ARHGAP28: variants seen among roughly 807,000 people sequenced by gnomAD.
ARHGAP28 encodes the protein rho GTPase-activating protein 28.
Under a neutral mutation model 90.7 loss-of-function variants are expected in ARHGAP28, and 56 were observed. The ratio of observed to expected loss-of-function variants is 0.62; its 90% CI spans 0.50 to 0.77. The LOEUF is 0.77. Among genes scored for constraint, ARHGAP28 ranks in the 30% least tolerant of loss-of-function variants. The pLI, the probability that ARHGAP28 is intolerant of heterozygous loss-of-function variation, is 0.00. For synonymous variants in ARHGAP28, 308 were observed against 323.3 expected (o/e 0.95, Z 0.51); for missense variants, 869 against 900.9 (o/e 0.96, Z 0.45).
chr18:6,910,679 G>A (rs1441138358), intron 17 of ARHGAP28, among the ~76,000 whole-genome samples: 1 of 151,948 alleles, frequency 6.6e-6, no homozygotes, highest in Non-Finnish European at 1.5e-5. Flanking sequence ...GGACTTACTT[G>A]ATATCATGTT....
rs1329133665 is a variant in ARHGAP28, at chr18:6,913,944, C to T, written c.*1790C>T. 1 of 152,080 alleles carries T rather than the reference C, an allele frequency of 6.6e-6. No homozygotes were observed. Among genetic ancestry groups the T allele is most frequent in the East Asian group, 1.9e-4 (1 of 5,194 alleles). 9.4% of individuals were successfully genotyped at this position (152,080 alleles called of 1,614,324 possible). On this transcript the variant is annotated 3_prime_UTR_variant, in exon 18 of 18. Coordinates refer to ENST00000383472, the MANE Select transcript of ARHGAP28 (RefSeq NM_001366230.1). ...TTTACTTTATGTAATTGCCACATCCCAAGATGTAAAACGGCAGTAATTTAT... is the reference window on the plus strand; with the variant it reads ...TTTACTTTATGTAATTGCCACATCCTAAGATGTAAAACGGCAGTAATTTAT...
chr18:6,733,776 A>G (rs1159401298), intron 1 of ARHGAP28, among the ~76,000 whole-genome samples: 1 of 152,226 alleles, frequency 6.6e-6, no homozygotes, highest in Non-Finnish European at 1.5e-5. Context: ...GTTTTAGCAA[A>G]CATATTTCAT....
chr18:6,841,197 CT>C (rs1411091658), intron 3 of ARHGAP28, among the ~76,000 whole-genome samples: 102 of 65,600 alleles, frequency 1.6e-3, no homozygotes, highest in East Asian at 5.4e-3. Flanking sequence ...CTCTCTCTCT[CT>C]CTCTCCTCTC....
intron 1 of ARHGAP28, among the ~76,000 whole-genome samples, chr18:6,755,124 G>A (rs1189574044): frequency 2.0e-5 from 3 of 152,140 alleles, no homozygotes; most frequent in Non-Finnish European, 2.9e-5. Context: ...AGTGAGCCGA[G>A]ATCGCGCCAC....
chr18:6,846,182 A>G (rs577661971), intron 3 of ARHGAP28, among the ~76,000 whole-genome samples: 1 of 152,286 alleles, frequency 6.6e-6, no homozygotes, highest in Non-Finnish European at 1.5e-5. Context: ...ATACTTCAGT[A>G]TGTTTCCTTC....
Position 6,912,256 on chromosome 18 carries a change from C to A in ARHGAP28, c.*102C>A. The A allele has an allele frequency of 1.6e-6, 1 of 609,728 alleles. No individual in the cohort carries two copies. Among genetic ancestry groups the A allele is most frequent in the Non-Finnish European group, 2.7e-6 (1 of 366,502 alleles). The allele number at this position is 609,728 out of a possible 1,614,324, so 37.8% of individuals were successfully genotyped here. A position where few individuals can be genotyped will look rare whatever the true frequency, so the allele number is the denominator to read the frequency against. The stretch of plus-strand genomic sequence containing the variant: ...GTGTTTGACGTATTTGTTCCTACAG[C>A]ATTCTCAGTATTTCTGGCCCTCAGC... On this transcript the variant is annotated 3_prime_UTR_variant, in exon 18 of 18. Transcript: ENST00000383472.
At chr18:6,882,406 C>G in intron 11 of ARHGAP28, 107 bp downstream of exon 11, 1 of 1,076,696 alleles carries the variant, frequency 9.3e-7, no homozygotes, top group South Asian at 1.9e-5. Context: ...TTTGCTGTGT[C>G]CTGACAGTGC....
At chr18:6,842,907 CAT>C (rs1323088682) in intron 3 of ARHGAP28, among the ~76,000 whole-genome samples, 3 of 152,154 alleles carry the variant, frequency 2.0e-5, no homozygotes, top group East Asian at 1.9e-4. Context: ...TAACATTTGA[CAT>C]GTGCCCATTT....
At chr18:6,760,842 A>T (rs2056153431) in intron 1 of ARHGAP28, among the ~76,000 whole-genome samples, 1 of 152,204 alleles carries the variant, frequency 6.6e-6, no homozygotes, top group Non-Finnish European at 1.5e-5. Flanking sequence ...AGGAAACACA[A>T]AAATGGGCCT....
chr18:6,772,736 T>C lies in ARHGAP28; in HGVS notation c.122+42793T>C, dbSNP rs79981282. Among the ~76,000 whole-genome samples, 935 of 151,602 alleles carry C rather than the reference T, an allele frequency of 6.2e-3. 7 individuals are homozygous for C. Among genetic ancestry groups the C allele is most frequent in the Non-Finnish European group, 8.8e-3 (596 of 68,004 alleles). On this transcript the variant is annotated intron_variant, in intron 1 of 17. Transcript: ENST00000383472. ...TTGTGATGGGTTTTATTTTTTTTTA[T>C]TTTTTATTTTTTTTTGAGACGGAGT...
intron 1 of ARHGAP28, among the ~76,000 whole-genome samples, chr18:6,823,705 A>G (rs1212274475): frequency 6.6e-6 from 1 of 151,370 alleles, no homozygotes; most frequent in Non-Finnish European, 1.5e-5. Context: ...AATCAAAATT[A>G]TATTTTTAAG....
At chr18:6,847,345 C>T (rs921764754) in intron 3 of ARHGAP28, among the ~76,000 whole-genome samples, 24 of 152,008 alleles carry the variant, frequency 1.6e-4, no homozygotes, top group African/African-American at 5.6e-4. Flanking sequence ...CCTTTTTATC[C>T]TTACGTTCCA....
intron 1 of ARHGAP28, among the ~76,000 whole-genome samples, chr18:6,746,058 T>C (rs2143217283): frequency 6.6e-6 from 1 of 152,312 alleles, no homozygotes; most frequent in South Asian, 2.1e-4. Flanking sequence ...TCAATTTACT[T>C]TGGCTTCCTG....
chr18:6,847,178 G>A (rs186234786), intron 3 of ARHGAP28, among the ~76,000 whole-genome samples: 5 of 152,114 alleles, frequency 3.3e-5, no homozygotes, highest in African/African-American at 9.6e-5. Flanking sequence ...GCAGGAGTAC[G>A]GCAGGGAGAA....
At chr18:6,841,172 C>CTCTCTCTCTCTCCTCTCTCACTG (rs2056812598) in intron 3 of ARHGAP28, among the ~76,000 whole-genome samples, 1 of 76,222 alleles carries the variant, frequency 1.3e-5, no homozygotes, top group African/African-American at 6.2e-5. Context: ...TCTCTCCTCT[C>CTCTCTCTCTCTCCTCTCTCACTG]TCTCTCTCCT....
At chr18:6,754,362 A>C (rs2056092912) in intron 1 of ARHGAP28, among the ~76,000 whole-genome samples, 1 of 152,182 alleles carries the variant, frequency 6.6e-6, no homozygotes, top group Non-Finnish European at 1.5e-5. Flanking sequence ...TCGTACTAGA[A>C]GAAGGGAATA....
chr18:6,867,659 A>G (rs1045464833), intron 5 of ARHGAP28, among the ~76,000 whole-genome samples: 9 of 152,204 alleles, frequency 5.9e-5, no homozygotes, highest in African/African-American at 2.2e-4. Flanking sequence ...TTTGTTAGTT[A>G]CTATCACTCT....
At chr18:6,844,155 TATATAA>T (rs1222453309) in intron 3 of ARHGAP28, among the ~76,000 whole-genome samples, 2 of 152,228 alleles carry the variant, frequency 1.3e-5, no homozygotes, top group African/African-American at 4.8e-5. Context: ...TACAACTGAC[TATATAA>T]ATATATAGTA....
rs183797929 is a variant in ARHGAP28 at position 6,784,815 on chromosome 18, G to A, written c.123-39947G>A. Among the ~76,000 whole-genome samples, 18 of 152,264 alleles carry A rather than the reference G, an allele frequency of 1.2e-4. No homozygotes were observed. The East Asian group carries it at 2.9e-3, about 25-fold the overall frequency. ...TGTTGTGTTTTCTAATTTTAGTCAC[G>A]TGAAAATATTGAGTAAAGATATCTG... On this transcript the variant is annotated intron_variant, in intron 1 of 17. Transcript: ENST00000383472.
Sources: gnomAD v4.1 joint callset for allele counts (sites outside exome capture counted in the v4.1 genomes callset) on GRCh38, gnomAD v4.1.1 for gene constraint, MANE v1.5 for transcripts, NCBI Gene and HGNC (gene_info 2026-07-23, HGNC 2026-07-21) for gene names.